The following ABCC9 variants were observed in gnomAD, a reference collection of about 807,000 sequenced individuals.
ABCC9 encodes ATP binding cassette subfamily C member 9.
In ABCC9, 95 loss-of-function variants were observed where a neutral mutation model predicts 188.3. That is an observed-to-expected ratio of 0.50 (90% CI 0.43 to 0.60). ABCC9 has a LOEUF of 0.60. Among genes scored for constraint, ABCC9 ranks in the 20% least tolerant of loss-of-function variants. The probability of loss-of-function intolerance (pLI) is 0.00; values close to 1 mark genes in which losing one functional copy is unlikely to be tolerated. For missense variants in ABCC9, 1,102 were observed against 1,876.3 expected, an observed-to-expected ratio of 0.59 and a Z score of 7.62; for synonymous variants, 659 against 652.7, an observed-to-expected ratio of 1.01 and a Z score of -0.15.
chr12:21,811,201 C>T (rs575761504), intron 36 of ABCC9, among the ~76,000 whole-genome samples: 1 of 152,094 alleles, frequency 6.6e-6, no homozygotes, highest in African/African-American at 2.4e-5. Context: ...TTTCCTGGCA[C>T]CATGAGAAGA....
intron 16 of ABCC9, among the ~76,000 whole-genome samples, chr12:21,877,136 G>A (rs554889559): frequency 6.6e-6 from 1 of 152,250 alleles, no homozygotes; most frequent in East Asian, 1.9e-4. Flanking sequence ...TTACAAAGAA[G>A]GCATAATGCA....
At chr12:21,922,857 ATGT>A (rs1400842904) in intron 5 of ABCC9, 2 of 151,436 alleles carry the variant, frequency 1.3e-5, no homozygotes, top group African/African-American at 4.8e-5. Flanking sequence ...AACAAAGAAA[ATGT>A]TGTGTGACTT....
chr12:21,920,678 G>T (rs1256380529), intron 5 of ABCC9, among the ~76,000 whole-genome samples: 2 of 151,600 alleles, frequency 1.3e-5, no homozygotes, highest in Non-Finnish European at 2.9e-5. Flanking sequence ...CCTAATTTTT[G>T]TACCCATTAA....
At chr12:21,909,333 A>G (rs1393687031) in intron 10 of ABCC9, among the ~76,000 whole-genome samples, 1 of 151,972 alleles carries the variant, frequency 6.6e-6, no homozygotes, top group Non-Finnish European at 1.5e-5. Context: ...AAAAACTAGC[A>G]TCTTCTTTAT....
chr12:21,829,267 TCTCGGCTCACTGCAAG>T (rs1454268440), intron 30 of ABCC9, among the ~76,000 whole-genome samples: 1 of 135,808 alleles, frequency 7.4e-6, no homozygotes, highest in African/African-American at 2.7e-5. Context: ...AGTGGCGCGA[TCTCGGCTCACTGCAAG>T]CTCCGCCTCC....
chr12:21,814,624 A>G lies in ABCC9; in HGVS notation c.4102+20T>C. On this transcript the variant is annotated intron_variant, in intron 35 of 39. Coordinates refer to ENST00000261200, the MANE Select transcript of ABCC9 (RefSeq NM_020297.4). ...GGAAAGCACCAAGTGGCCACTTAAA[A>G]AATTTAGTTAGCAACTCACCATCAA... 6.2e-7 allele frequency: 1 copy of G among 1,611,294 alleles called. No individual in the cohort carries two copies. The highest frequency in any genetic ancestry group is 8.5e-7 in the Non-Finnish European group (1 of 1,177,638).
At chr12:21,919,319 C>T (rs1268103422) in intron 5 of ABCC9, among the ~76,000 whole-genome samples, 1 of 151,654 alleles carries the variant, frequency 6.6e-6, no homozygotes, top group Admixed American at 6.6e-5. Context: ...ACACAAAAAC[C>T]AATACTAGGA....
intron 30 of ABCC9, among the ~76,000 whole-genome samples, chr12:21,832,279 A>G (rs1592016531): frequency 6.6e-6 from 1 of 152,154 alleles, no homozygotes; most frequent in African/African-American, 2.4e-5. Flanking sequence ...TACACCACGA[A>G]CCCTCAATGC....
At chr12:21,810,519 C>T (rs140807609) in intron 36 of ABCC9, among the ~76,000 whole-genome samples, 584 of 152,214 alleles carry the variant, frequency 3.8e-3, no homozygotes, top group African/African-American at 0.013. Context: ...CAAACATGTC[C>T]TTCTTCACAT....
intron 30 of ABCC9, among the ~76,000 whole-genome samples, chr12:21,836,102 T>C (rs1452837032): frequency 6.6e-6 from 1 of 152,166 alleles, no homozygotes; most frequent in Non-Finnish European, 1.5e-5. Context: ...GGTCCTTAGT[T>C]CCTTATCCTG....
chr12:21,840,245 T>G (rs1376361236), intron 29 of ABCC9, among the ~76,000 whole-genome samples: 1 of 152,204 alleles, frequency 6.6e-6, no homozygotes, highest in African/African-American at 2.4e-5. Context: ...AAATGGCATG[T>G]TAAGCTGCCT....
intron 30 of ABCC9, among the ~76,000 whole-genome samples, chr12:21,830,763 C>T (rs547512517): frequency 2.7e-4 from 41 of 152,276 alleles, no homozygotes; most frequent in African/African-American, 9.1e-4. Flanking sequence ...AGTTACCTCA[C>T]ATTGAGTTGA....
intron 30 of ABCC9, among the ~76,000 whole-genome samples, chr12:21,830,385 C>T (rs1565712463): frequency 6.6e-6 from 1 of 152,174 alleles, no homozygotes; most frequent in Non-Finnish European, 1.5e-5. Flanking sequence ...TATTCACTCT[C>T]TGCAGCCACG....
At chr12:21,913,097 A>T in intron 7 of ABCC9, 31 bp from the exon 8 acceptor site, 2 of 1,572,492 alleles carry the variant, frequency 1.3e-6, no homozygotes, top group South Asian at 2.3e-5. Flanking sequence ...AAAAAAACAG[A>T]TGTAACAAAA....
intron 15 of ABCC9, among the ~76,000 whole-genome samples, chr12:21,884,781 T>TTAAAGA (rs1274053641): frequency 1.4e-3 from 2 of 1,414 alleles, no homozygotes; most frequent in East Asian, 0.045. Flanking sequence ...ATATTTTGAC[T>TTAAAGA]TAGAGAGGAG....
At position 21,799,160 on chromosome 12, in the gene ABCC9, G is replaced by C. The variant is rs1428250320; in HGVS notation, c.*1884C>G. 6.7e-6 allele frequency: 1 copy of C among 149,982 alleles called. No homozygotes were observed. Among genetic ancestry groups the C allele is most frequent in the Admixed American group, 6.7e-5 (1 of 14,968 alleles). The allele number at this position is 149,982 out of a possible 1,614,324, so 9.3% of individuals were successfully genotyped here. A position where few individuals can be genotyped will look rare whatever the true frequency, so the allele number is the denominator to read the frequency against. ...ATACCTAATGCTAGATGACGAGTTA[G>C]TGGGTGCAGCGCACCAGCATGGCAC... On this transcript the variant is annotated 3_prime_UTR_variant, in exon 40 of 40. Coordinates refer to ENST00000261200, the MANE Select transcript of ABCC9 (RefSeq NM_020297.4).
chr12:21,833,987 T>C (rs1488621157), intron 30 of ABCC9, among the ~76,000 whole-genome samples: 2 of 152,182 alleles, frequency 1.3e-5, no homozygotes, highest in Admixed American at 1.3e-4. Flanking sequence ...TAAAACTCTT[T>C]CAAAAAGTAG....
chr12:21,915,612 A>G, intron 7 of ABCC9, 56 bp downstream of exon 7: 1 of 1,593,130 alleles, frequency 6.3e-7, no homozygotes, highest in Non-Finnish European at 8.5e-7. Flanking sequence ...TCCCAGGTTC[A>G]TGCCAACAGG....
chr12:21,800,194 A>G lies in ABCC9; in HGVS notation c.*850T>C, dbSNP rs757201191. On this transcript the variant is annotated 3_prime_UTR_variant, in exon 40 of 40. Transcript: ENST00000261200. ...ATTATTAGCAGTGCCAAATGAAGTC[A>G]CTTGCCTGTGTAAATCTTGAGTAAT... The G allele has an allele frequency of 6.6e-6, 1 of 152,206 alleles. No individual in the cohort carries two copies. The allele number at this position is 152,206 out of a possible 1,614,324, so 9.4% of individuals were successfully genotyped here. A position where few individuals can be genotyped will look rare whatever the true frequency, so the allele number is the denominator to read the frequency against.
Sources: gnomAD v4.1 joint callset for allele counts (sites outside exome capture counted in the v4.1 genomes callset) on GRCh38, gnomAD v4.1.1 for gene constraint, MANE v1.5 for transcripts, NCBI Gene and HGNC (gene_info 2026-07-23, HGNC 2026-07-21) for gene names.